The following CUX2 variants were observed in gnomAD, a reference collection of about 807,000 sequenced individuals.
CUX2 encodes the protein cut like homeobox 2, also known as homeobox protein cut-like 2.
In CUX2, 40 loss-of-function variants were observed where a neutral mutation model predicts 144.8. The observed-to-expected ratio is 0.28, with a 90% CI of 0.21 to 0.36. CUX2 has a LOEUF of 0.36. Ranked by LOEUF, CUX2 falls within the 10% of genes least tolerant of loss-of-function variation. The pLI is 1.00. For synonymous variants in CUX2, 827 were observed against 875.6 expected, an observed-to-expected ratio of 0.94 and a Z score of 0.98; for missense variants, 1,615 against 1,994.0, an observed-to-expected ratio of 0.81 and a Z score of 3.62.
chr12:111,246,944 CTG>C lies in CUX2; in HGVS notation c.223-16813_223-16812del, dbSNP rs1883309606. ...TGACTCTAGGACTGAGGGGCTGGGG[CTG>C]TGTTTTGTTCATCTTGGCATAGGGC... On this transcript the variant is annotated intron_variant, in intron 3 of 21. Transcript: ENST00000261726. This position sits in a 1 kb window ranked among gnomAD's most constrained non-coding sequence, Gnocchi z 4.0. 6.6e-6 allele frequency among the ~76,000 whole-genome samples: 1 copy of C among 152,146 alleles called. No individual in the cohort carries two copies. Among genetic ancestry groups the C allele is most frequent in the African/African-American group, 2.4e-5 (1 of 41,426 alleles).
intron 5 of CUX2, among the ~76,000 whole-genome samples, chr12:111,292,986 G>T (rs1565896657): frequency 1.3e-5 from 2 of 152,058 alleles, no homozygotes; most frequent in Non-Finnish European, 1.5e-5. Context: ...AGCCAAGCAT[G>T]GTGGCAGGCA....
chr12:111,347,628 AC>A lies in CUX2; in HGVS notation c.3768del (p.Thr1257ProfsTer16). 4 of 1,476,630 alleles carry A rather than the reference AC, an allele frequency of 2.7e-6. No individual in the cohort carries two copies. Among genetic ancestry groups the A allele is most frequent in the African/African-American group, 1.4e-5 (1 of 71,688 alleles). 91.5% of individuals were successfully genotyped at this position (1,476,630 alleles called of 1,614,324 possible). ...GILPPGHSHP[D>X]PTPQSPDSET... ...CTACCGCCAGGCCACTCCCACCCAGACCCCACCCCGCAGAGCCCTGACTCTG... is the reference window on the plus strand; with the variant it reads ...CTACCGCCAGGCCACTCCCACCCAGACCCACCCCGCAGAGCCCTGACTCTG... On this transcript the variant is annotated frameshift_variant, in exon 22 of 22. Coordinates refer to ENST00000261726, the MANE Select transcript of CUX2 (RefSeq NM_015267.4). LOFTEE classifies it low-confidence loss of function (END_TRUNC).
chr12:111,227,464 T>A (rs931983154), intron 3 of CUX2, among the ~76,000 whole-genome samples: 1 of 152,146 alleles, frequency 6.6e-6, no homozygotes, highest in African/African-American at 2.4e-5. Flanking sequence ...AAGAACTTGA[T>A]GCAGAGTAAA....
At chr12:111,040,298 C>T (rs573877427) in intron 1 of CUX2, among the ~76,000 whole-genome samples, 58 of 150,954 alleles carry the variant, frequency 3.8e-4, no homozygotes, top group African/African-American at 1.1e-3. Context: ...AAAAAAAAAA[C>T]GGAAAAAAAT....
At chr12:111,135,134 G>C (rs1875778649) in intron 1 of CUX2, among the ~76,000 whole-genome samples, 1 of 151,558 alleles carries the variant, frequency 6.6e-6, no homozygotes, top group Non-Finnish European at 1.5e-5. Flanking sequence ...CTATTTTAGA[G>C]AGAAAGACTG....
intron 1 of CUX2, among the ~76,000 whole-genome samples, chr12:111,192,868 C>A (rs1879982894): frequency 6.6e-6 from 1 of 152,236 alleles, no homozygotes; most frequent in African/African-American, 2.4e-5. Flanking sequence ...CATCATCGTT[C>A]CTATGGCTAA....
chr12:111,114,446 T>A (rs959131752), intron 1 of CUX2, among the ~76,000 whole-genome samples: 1 of 152,214 alleles, frequency 6.6e-6, no homozygotes, highest in Non-Finnish European at 1.5e-5. Flanking sequence ...GGGTTGTTTG[T>A]TTTCTTCTTG....
intron 3 of CUX2, among the ~76,000 whole-genome samples, chr12:111,254,444 T>C (rs1883711712): frequency 6.6e-6 from 1 of 152,202 alleles, no homozygotes; most frequent in East Asian, 1.9e-4. Flanking sequence ...AAGCTGGACC[T>C]GCACATCTGA....
chr12:111,268,046 C>T (rs933140786), intron 4 of CUX2, among the ~76,000 whole-genome samples: 8 of 152,182 alleles, frequency 5.3e-5, no homozygotes, highest in African/African-American at 1.9e-4. Flanking sequence ...ATCCTCCCAC[C>T]TCTGCCTCCT....
rs115036625 is a variant in CUX2 at position 111,228,102 on chromosome 12, G to A, written c.222+10165G>A. Among the ~76,000 whole-genome samples the A allele has an allele frequency of 4.4e-3, 675 of 152,302 alleles. 4 individuals carry two copies. Among genetic ancestry groups the A allele is most frequent in the African/African-American group, 0.016 (656 of 41,556 alleles). ...CCCCACTATATGCAGACCCTGTGCA[G>A]TGCCCTGGGGATAGGCAGGGAACAA... is the stretch of plus-strand genomic sequence containing the variant. On this transcript the variant is annotated intron_variant, in intron 3 of 21. Transcript: ENST00000261726.
chr12:111,270,687 C>G (rs991841039), intron 4 of CUX2: 3 of 151,448 alleles, frequency 2.0e-5, no homozygotes, highest in Admixed American at 6.6e-5. Context: ...AGAGGGCAGG[C>G]AGATGAACAT....
chr12:111,087,782 T>C (rs1210075783), intron 1 of CUX2, among the ~76,000 whole-genome samples: 1 of 152,218 alleles, frequency 6.6e-6, no homozygotes, highest in East Asian at 1.9e-4. Flanking sequence ...TATGCCTGTA[T>C]GGGTTTAAAA....
intron 3 of CUX2, among the ~76,000 whole-genome samples, chr12:111,244,092 G>T (rs1245785524): frequency 6.6e-6 from 1 of 151,284 alleles, no homozygotes; most frequent in African/African-American, 2.4e-5. Flanking sequence ...AGCTTTTTGG[G>T]TTTTTTTTTG....
Position 111,349,998 on chromosome 12 carries a change from A to C in CUX2, c.*1673A>C, listed in dbSNP as rs1300177986. 6.6e-6 allele frequency: 1 copy of C among 152,668 alleles called. No homozygotes were observed. Among genetic ancestry groups the C allele is most frequent in the African/African-American group, 2.4e-5 (1 of 41,472 alleles). The allele number at this position is 152,668 out of a possible 1,614,324, so 9.5% of individuals were successfully genotyped here. On this transcript the variant is annotated 3_prime_UTR_variant, in exon 22 of 22. Coordinates refer to ENST00000261726, the MANE Select transcript of CUX2 (RefSeq NM_015267.4). Reference sequence around the variant, plus strand: ...AACTCTCACACCCAGCCCAGGCTGCAGTCTCCACACCAAACAGTCAACAAA... The same window carrying C: ...AACTCTCACACCCAGCCCAGGCTGCCGTCTCCACACCAAACAGTCAACAAA...
At position 111,277,675 on chromosome 12, in the gene CUX2, C is replaced by T. The variant is rs1236039811; in HGVS notation, c.302-13743C>T. ...TCTATCATTTCCTGCTGGACCTCCA[C>T]GGCCCAGAGCTTTCCCTGACACACA... is the stretch of plus-strand genomic sequence containing the variant. On this transcript the variant is annotated intron_variant, in intron 4 of 21. Transcript: ENST00000261726. The surrounding 1 kb of genome is among the most constrained non-coding windows in gnomAD (Gnocchi z 5.0). Among the ~76,000 whole-genome samples the T allele has an allele frequency of 2.0e-5, 3 of 152,182 alleles. No individual in the cohort carries two copies. The highest frequency in any genetic ancestry group is 1.3e-4 in the Admixed American group (2 of 15,274).
At chr12:111,141,204 T>A (rs924636617) in intron 1 of CUX2, among the ~76,000 whole-genome samples, 1 of 150,168 alleles carries the variant, frequency 6.7e-6, no homozygotes, top group South Asian at 2.1e-4. Context: ...TAGGTACAAA[T>A]TAGGGACTCA....
chr12:111,187,507 C>T (rs1879621103), intron 1 of CUX2, among the ~76,000 whole-genome samples: 1 of 152,146 alleles, frequency 6.6e-6, no homozygotes, highest in South Asian at 2.1e-4. Flanking sequence ...TGTCCTCCCT[C>T]CCCATGTCCA....
chr12:111,241,110 A>C (rs1432484682), intron 3 of CUX2, among the ~76,000 whole-genome samples: 1 of 152,088 alleles, frequency 6.6e-6, no homozygotes, highest in Admixed American at 6.5e-5. Context: ...GCATCTGGTG[A>C]GGGCCACCTT....
intron 1 of CUX2, among the ~76,000 whole-genome samples, chr12:111,071,994 A>G (rs1209719399): frequency 2.0e-5 from 3 of 152,212 alleles, no homozygotes; most frequent in Non-Finnish European, 4.4e-5. Context: ...TTTCTCCAAT[A>G]CCACACTGTC....
Sources: allele counts gnomAD v4.1 joint callset (sites outside exome capture counted in the v4.1 genomes callset), GRCh38; gene constraint gnomAD v4.1.1; non-coding constraint Gnocchi (gnomAD v3.1); transcripts MANE v1.5; gene names NCBI Gene and HGNC (gene_info 2026-07-23, HGNC 2026-07-21).